The following GRIN2A variants were observed in gnomAD, a reference collection of about 807,000 sequenced individuals.
GRIN2A encodes the protein glutamate ionotropic receptor NMDA type subunit 2A.
In GRIN2A, 22 loss-of-function variants were observed where a neutral mutation model predicts 113.4. The ratio of observed to expected loss-of-function variants is 0.19; its 90% confidence interval spans 0.14 to 0.28. The LOEUF is 0.28. GRIN2A is among the 10% of genes least tolerant of loss of function. The probability of loss-of-function intolerance (pLI) is 1.00; values close to 1 mark genes in which losing one functional copy is unlikely to be tolerated. For synonymous variants in GRIN2A, 827 were observed against 738.4 expected (o/e 1.12, Z -1.94); for missense variants, 1,502 against 1,887.0 (o/e 0.80, Z 3.78).
intron 2 of GRIN2A, among the ~76,000 whole-genome samples, chr16:10,088,981 C>T (rs751457581): frequency 3.3e-5 from 5 of 152,164 alleles, no homozygotes; most frequent in African/African-American, 7.2e-5. Flanking sequence ...GTCTGTATGA[C>T]GTTGAGCAAG....
At position 9,757,024 on chromosome 16, in the gene GRIN2A, C is replaced by G. The variant is rs560263181; in HGVS notation, c.*6125G>C. 1.0e-5 allele frequency: 2 copies of G among 200,104 alleles called. No individual in the cohort carries two copies. The highest frequency in any genetic ancestry group is 1.9e-4 in the South Asian group (1 of 5,220). 12.4% of individuals were successfully genotyped at this position (200,104 alleles called of 1,614,324 possible). A position where few individuals can be genotyped will look rare whatever the true frequency, so the allele number is the denominator to read the frequency against. The stretch of plus-strand genomic sequence containing the variant: ...TGTATCAGAAGGGTTCTTCAAATGT[C>G]AAAAACAAAACCAAACAAAAAAGCT... On this transcript the variant is annotated 3_prime_UTR_variant, in exon 13 of 13. Coordinates refer to ENST00000330684, the MANE Select transcript of GRIN2A (RefSeq NM_001134407.3).
At chr16:9,825,871 C>G (rs893708778) in intron 9 of GRIN2A, among the ~76,000 whole-genome samples, 5 of 152,092 alleles carry the variant, frequency 3.3e-5, no homozygotes, top group African/African-American at 1.2e-4. Context: ...TCAATTCCCT[C>G]CATTGGTTGT....
intron 3 of GRIN2A, among the ~76,000 whole-genome samples, chr16:9,895,349 C>T (rs1464022698): frequency 6.6e-6 from 1 of 152,158 alleles, no homozygotes; most frequent in African/African-American, 2.4e-5. Context: ...GGCAGAAAAC[C>T]CTGAAACATC....
chr16:10,013,729 A>G (rs1051348219), intron 2 of GRIN2A, among the ~76,000 whole-genome samples: 2 of 152,148 alleles, frequency 1.3e-5, no homozygotes, highest in Admixed American at 1.3e-4. Context: ...TTTCTTTTTA[A>G]CTACAAATCA....
At chr16:10,167,384 A>G (rs2049946857) in intron 2 of GRIN2A, among the ~76,000 whole-genome samples, 2 of 152,180 alleles carry the variant, frequency 1.3e-5, no homozygotes, top group African/African-American at 4.8e-5. Flanking sequence ...CACAACTTAC[A>G]TTTTAGAGTG....
At chr16:9,785,387 A>G (rs959980065) in intron 11 of GRIN2A, among the ~76,000 whole-genome samples, 7 of 144,784 alleles carry the variant, frequency 4.8e-5, no homozygotes, top group African/African-American at 1.8e-4. Context: ...GGAATTGAAC[A>G]ATGAGATCAC....
In GRIN2A at chr16:9,763,096, A is replaced by G; in HGVS notation, c.*53T>C. 6.4e-7 allele frequency: 1 copy of G among 1,565,834 alleles called. No homozygotes were observed. The highest frequency in any genetic ancestry group is 8.8e-7 in the Non-Finnish European group (1 of 1,140,188). On this transcript the variant is annotated 3_prime_UTR_variant, in exon 13 of 13. Transcript: ENST00000330684. Reference sequence around the variant, plus strand: ...TGGACATCCAACATTTACCCTCCAGAACATTGGCCATTACGTATATTTCCC... The same window carrying G: ...TGGACATCCAACATTTACCCTCCAGGACATTGGCCATTACGTATATTTCCC...
intron 2 of GRIN2A, among the ~76,000 whole-genome samples, chr16:10,018,608 C>T (rs1008462958): frequency 6.6e-6 from 1 of 152,136 alleles, no homozygotes; most frequent in South Asian, 2.1e-4. Flanking sequence ...ACCTCTGGTC[C>T]ACCTATTGCT....
chr16:9,998,545 C>A (rs906154509), intron 2 of GRIN2A, among the ~76,000 whole-genome samples: 1 of 152,136 alleles, frequency 6.6e-6, no homozygotes, highest in African/African-American at 2.4e-5. Context: ...AAATAGTAAA[C>A]TCTATGTTAT....
rs912137043 is a variant in GRIN2A, at chr16:10,126,106, A to G, written c.414+53892T>C. 4.6e-5 allele frequency among the ~76,000 whole-genome samples: 7 copies of G among 152,166 alleles called. 1 individual carries two copies. Among genetic ancestry groups the G allele is most frequent in the Admixed American group, 2.0e-4 (3 of 15,278 alleles). ...TCATTTTGCTTTTCTTAATTATAAGAATAATGCAAAGTCCCATCAACAACA... is the reference window on the plus strand; with the variant it reads ...TCATTTTGCTTTTCTTAATTATAAGGATAATGCAAAGTCCCATCAACAACA... On this transcript the variant is annotated intron_variant, in intron 2 of 12. Coordinates refer to ENST00000330684, the MANE Select transcript of GRIN2A (RefSeq NM_001134407.3).
chr16:9,901,564 A>C (rs1244960687), intron 3 of GRIN2A, among the ~76,000 whole-genome samples: 1 of 152,010 alleles, frequency 6.6e-6, no homozygotes, highest in African/African-American at 2.4e-5. Flanking sequence ...GGTTCAAGTG[A>C]TTCTCGTGCC....
At chr16:9,949,472 C>T (rs1195505558) in intron 2 of GRIN2A, among the ~76,000 whole-genome samples, 2 of 147,544 alleles carry the variant, frequency 1.4e-5, no homozygotes, top group Non-Finnish European at 3.0e-5. Flanking sequence ...GATGAATGGA[C>T]AGATGAGTGG....
At chr16:9,792,274 G>A (rs1382916160) in intron 11 of GRIN2A, among the ~76,000 whole-genome samples, 2 of 152,162 alleles carry the variant, frequency 1.3e-5, no homozygotes, top group African/African-American at 4.8e-5. Flanking sequence ...CCAGGCTGCA[G>A]TGCAGTGACA....
intron 5 of GRIN2A, among the ~76,000 whole-genome samples, chr16:9,845,515 T>C (rs567838152): frequency 6.6e-6 from 1 of 152,266 alleles, no homozygotes; most frequent in East Asian, 1.9e-4. Context: ...TCGGGCCAAG[T>C]TCTGCTCAAA....
At chr16:9,973,787 G>T (rs2045720384) in intron 2 of GRIN2A, among the ~76,000 whole-genome samples, 1 of 151,616 alleles carries the variant, frequency 6.6e-6, no homozygotes, top group Non-Finnish European at 1.5e-5. Context: ...AGTGCTGGGG[G>T]GAAAAAAAAC....
chr16:9,914,007 A>T (rs2044193802), intron 3 of GRIN2A, among the ~76,000 whole-genome samples: 1 of 152,144 alleles, frequency 6.6e-6, no homozygotes, highest in Non-Finnish European at 1.5e-5. Flanking sequence ...CCATTACGTG[A>T]AGGCATTAGA....
intron 7 of GRIN2A, among the ~76,000 whole-genome samples, chr16:9,839,284 G>A (rs554410637): frequency 6.6e-6 from 1 of 151,868 alleles, no homozygotes; most frequent in African/African-American, 2.4e-5. Context: ...GCTTTACTAT[G>A]TTCCATGAAA....
chr16:9,966,958 C>T (rs985789032), intron 2 of GRIN2A, among the ~76,000 whole-genome samples: 13 of 152,320 alleles, frequency 8.5e-5, no homozygotes, highest in African/African-American at 3.1e-4. Flanking sequence ...AATAGTGACT[C>T]ATTTTCCACA....
chr16:9,894,847 T>C (rs928995709), intron 3 of GRIN2A, among the ~76,000 whole-genome samples: 18 of 152,178 alleles, frequency 1.2e-4, no homozygotes, highest in African/African-American at 3.9e-4. Context: ...ATATCTACCC[T>C]TCCAAACATC....
Sources: gnomAD v4.1 joint callset for allele counts (sites outside exome capture counted in the v4.1 genomes callset) on GRCh38, gnomAD v4.1.1 for gene constraint, MANE v1.5 for transcripts, NCBI Gene and HGNC (gene_info 2026-07-23, HGNC 2026-07-21) for gene names.